ARHGEF7: variants seen among roughly 807,000 people sequenced by gnomAD.
ARHGEF7 encodes the protein Rho guanine nucleotide exchange factor 7.
A neutral mutation model predicts 109.8 loss-of-function variants in ARHGEF7; 33 were observed. The ratio of observed to expected loss-of-function variants is 0.30; its 90% CI spans 0.23 to 0.40. The LOEUF is 0.40. ARHGEF7 is among the 10% of genes least tolerant of loss of function. The pLI, the probability that ARHGEF7 is intolerant of heterozygous loss-of-function variation, is 1.00. For missense variants in ARHGEF7, 938 were observed against 1,098.5 expected (o/e 0.85, Z 2.07); for synonymous variants, 458 against 424.6 (o/e 1.08, Z -0.97).
At chr13:111,212,125 C>T (rs895671001) in intron 4 of ARHGEF7, among the ~76,000 whole-genome samples, 9 of 152,288 alleles carry the variant, frequency 5.9e-5, no homozygotes, top group South Asian at 2.1e-4. Flanking sequence ...TCTGTGAAAC[C>T]GTCAGCCCCC....
Position 111,115,635 on chromosome 13 carries a change from G to A in ARHGEF7, c.109G>A (p.Asp37Asn), listed in dbSNP as rs773373433. 7.2e-7 allele frequency: 1 copy of A among 1,396,314 alleles called. No homozygotes were observed. The highest frequency in any genetic ancestry group is 2.3e-5 in the Admixed American group (1 of 43,990). The allele number at this position is 1,396,314 out of a possible 1,614,324, so 86.5% of individuals were successfully genotyped here. A position where few individuals can be genotyped will look rare whatever the true frequency, so the allele number is the denominator to read the frequency against. ...GGGCTTTCTGCAGGCGTCGCTGAAG[G>A]ATGGGGTGGTCCTCTGCAGGCTGCT... ...PEGFLQASLK[D>N]GVVLCRLLER... is the part of the protein sequence containing the mutation. Residue 37 changes from aspartate to asparagine, a missense_variant, in exon 1 of 22, where the codon GAT becomes AAT. Asp to Asn is a conservative substitution (Grantham distance 23, BLOSUM62 1). Around this residue, in one of 4 missense-constraint regions of ARHGEF7, gnomAD observed 165 missense variants for 125.8 expected, o/e 1.31. Coordinates refer to ENST00000646102, the MANE Select transcript of ARHGEF7 (RefSeq NM_001354046.2).
chr13:111,135,688 A>T (rs1566609826), intron 1 of ARHGEF7, among the ~76,000 whole-genome samples: 1 of 152,138 alleles, frequency 6.6e-6, no homozygotes, highest in Non-Finnish European at 1.5e-5. Context: ...GCTTAAGGAG[A>T]TTTTGGGCTG....
Position 111,292,287 on chromosome 13 carries a change from T to C in ARHGEF7, c.2304T>C (p.Ser768=). ...IWTAHSYRMG[S]TSRSRKESAP... is the part of the protein sequence containing the mutation. ...CAGCCCATAGTTACAGAATGGGTTC[T>C]ACATCTCGTAAGAGCTGTTGCTCAT... The change falls in exon 19 of 22, where the codon TCT becomes TCC. Residue 768 remains serine (S), a synonymous_variant. Transcript: ENST00000646102. 6.2e-7 allele frequency: 1 copy of C among 1,614,266 alleles called. No homozygotes were observed. Among genetic ancestry groups the C allele is most frequent in the Non-Finnish European group, 8.5e-7 (1 of 1,180,040 alleles).
At position 111,225,098 on chromosome 13, in the gene ARHGEF7, C is replaced by T. The variant is rs535779310; in HGVS notation, c.670+7218C>T. ...TGAATATTTTCCTAGATTGGTATACCGAGCATGTCCTCACTGCAATGTGGC... is the reference window on the plus strand; with the variant it reads ...TGAATATTTTCCTAGATTGGTATACTGAGCATGTCCTCACTGCAATGTGGC... On this transcript the variant is annotated intron_variant, in intron 5 of 21. Coordinates refer to ENST00000646102, the MANE Select transcript of ARHGEF7 (RefSeq NM_001354046.2). Among the ~76,000 whole-genome samples, 10 of 152,136 alleles carry T rather than the reference C, an allele frequency of 6.6e-5. No individual in the cohort carries two copies. In the East Asian group the frequency reaches 1.7e-3, roughly 26 times the overall value.
At chr13:111,292,884 G>C in intron 19 of ARHGEF7, 3 of 988,196 alleles carry the variant, frequency 3.0e-6, no homozygotes, top group Non-Finnish European at 3.6e-6. Flanking sequence ...GTGGGCTCTG[G>C]GCCTTGGCAG....
chr13:111,234,733 C>CT (rs1235072730), intron 6 of ARHGEF7, among the ~76,000 whole-genome samples: 3 of 152,154 alleles, frequency 2.0e-5, no homozygotes, highest in African/African-American at 4.8e-5. Context: ...TCTTTCTTCC[C>CT]TTTTTTTCAT....
intron 3 of ARHGEF7, 27 bp downstream of exon 3, chr13:111,205,400 G>C (rs1254796278): frequency 2.0e-6 from 3 of 1,520,724 alleles, no homozygotes; most frequent in African/African-American, 1.4e-5. Flanking sequence ...TTGAACTCGA[G>C]GGGGTGGGAA....
chr13:111,282,923 C>T (rs927000646), intron 15 of ARHGEF7: 13 of 685,204 alleles, frequency 1.9e-5, no homozygotes, highest in Admixed American at 1.2e-4. Context: ...GGGCAGACGC[C>T]GTGAGGAGCC....
intron 5 of ARHGEF7, among the ~76,000 whole-genome samples, chr13:111,219,140 C>T (rs2083501144): frequency 6.6e-6 from 1 of 152,214 alleles, no homozygotes; most frequent in African/African-American, 2.4e-5. Flanking sequence ...TGTTTCTTCT[C>T]AAACTGAATT....
At chr13:111,220,626 T>G (rs746653790) in intron 5 of ARHGEF7, among the ~76,000 whole-genome samples, 8 of 152,168 alleles carry the variant, frequency 5.3e-5, no homozygotes, top group Non-Finnish European at 8.8e-5. Context: ...TTACCCCTGA[T>G]AGCCCACAGG....
intron 12 of ARHGEF7, among the ~76,000 whole-genome samples, chr13:111,276,558 C>A (rs1210621037): frequency 6.6e-6 from 1 of 152,148 alleles, no homozygotes; most frequent in African/African-American, 2.4e-5. Flanking sequence ...AATATTAGAT[C>A]TATACAGCAC....
At chr13:111,184,357 A>C (rs2079049621) in intron 2 of ARHGEF7, among the ~76,000 whole-genome samples, 1 of 152,116 alleles carries the variant, frequency 6.6e-6, no homozygotes, top group Non-Finnish European at 1.5e-5. Flanking sequence ...GTTATTGTTG[A>C]AGTTTTTTGA....
chr13:111,165,239 T>C (rs2077034978), intron 2 of ARHGEF7, among the ~76,000 whole-genome samples: 1 of 152,224 alleles, frequency 6.6e-6, no homozygotes, highest in Non-Finnish European at 1.5e-5. Flanking sequence ...CTAGATGAGC[T>C]ACCAGTTTAA....
chr13:111,196,793 C>T (rs144014615), intron 2 of ARHGEF7, among the ~76,000 whole-genome samples: 23 of 152,016 alleles, frequency 1.5e-4, no homozygotes, highest in African/African-American at 5.5e-4. Context: ...TGCATATTCT[C>T]CTTCAATGAA....
chr13:111,279,839 AC>A, intron 13 of ARHGEF7, among the ~76,000 whole-genome samples: 2 of 152,338 alleles, frequency 1.3e-5, no homozygotes, highest in Middle Eastern at 3.4e-3. Context: ...TCAATTTCCC[AC>A]CCTTATTTTG....
intron 15 of ARHGEF7, among the ~76,000 whole-genome samples, chr13:111,282,476 TA>T (rs3839992): frequency 0.17 from 26,626 of 152,184 alleles, 3,200 homozygotes; most frequent in East Asian, 0.68. Flanking sequence ...TTGTTTTGAT[TA>T]AAGTTGAGTT....
intron 1 of ARHGEF7, among the ~76,000 whole-genome samples, chr13:111,119,263 AACTTCATTTCTGAAT>A (rs1566583045): frequency 1.2e-4 from 18 of 152,126 alleles, no homozygotes; most frequent in African/African-American, 3.9e-4. Flanking sequence ...CATCTGCATT[AACTTCATTTCTGAAT>A]AAGGCCCCAT....
rs2081687031 is a variant in ARHGEF7 at position 111,205,359 on chromosome 13, A to G, written c.323A>G (p.Asn108Ser). The G allele has an allele frequency of 1.2e-6, 2 of 1,600,774 alleles. No homozygotes were observed. Residue 108 changes from asparagine (N) to serine (S), a missense_variant, in exon 3 of 22, where the codon AAT becomes AGT. Asn to Ser is a conservative substitution (Grantham distance 46, BLOSUM62 1). Coordinates refer to ENST00000646102, the MANE Select transcript of ARHGEF7 (RefSeq NM_001354046.2). ...GTCCTCAGTTCCTTAGTGACTCTAA[A>G]TAAAGTAACAGCAGGTAAGACTCTT... is the stretch of plus-strand genomic sequence containing the variant. The part of the protein sequence containing the change: ...NKVLSSLVTL[N>S]KVTADIGLGS...
chr13:111,176,980 C>T (rs1336704519), intron 2 of ARHGEF7, among the ~76,000 whole-genome samples: 1 of 152,254 alleles, frequency 6.6e-6, no homozygotes, highest in Non-Finnish European at 1.5e-5. Flanking sequence ...TGTTCTTGAA[C>T]TCCTGACCAC....
Sources: gnomAD v4.1 joint callset for allele counts (sites outside exome capture counted in the v4.1 genomes callset) on GRCh38, gnomAD v4.1.1 for gene constraint, gnomAD v4.1.1 regional missense constraint, MANE v1.5 for transcripts, NCBI Gene and HGNC (gene_info 2026-07-23, HGNC 2026-07-21) for gene names.